Variants in CATSPERD observed in about 807,000 individuals in gnomAD.
CATSPERD encodes the protein catsper channel auxiliary subunit delta.
In CATSPERD, 86 loss-of-function variants were observed where a neutral mutation model predicts 98.1. The ratio of observed to expected loss-of-function variants is 0.88; its 90% CI spans 0.74 to 1.05. The LOEUF (loss-of-function observed/expected upper bound fraction) is 1.05. CATSPERD is among the 50% of genes least tolerant of loss of function. The pLI is 0.00. For synonymous variants in CATSPERD, 394 were observed against 390.2 expected (o/e 1.01, Z -0.12); for missense variants, 995 against 1,005.7 (o/e 0.99, Z 0.14).
intron 3 of CATSPERD, among the ~76,000 whole-genome samples, chr19:5,728,629 C>T (rs926845474): frequency 1.3e-5 from 2 of 151,452 alleles, no homozygotes; most frequent in Non-Finnish European, 2.9e-5. Flanking sequence ...GAGGCTGAGG[C>T]AGGAGGATCA....
intron 11 of CATSPERD, among the ~76,000 whole-genome samples, 190 bp from the exon 12 acceptor site, chr19:5,751,457 C>A (rs1383559366): frequency 1.5e-5 from 2 of 135,512 alleles, no homozygotes; most frequent in Non-Finnish European, 3.1e-5. Context: ...TGGCGTGAAC[C>A]CGGGAGGCGG....
intron 16 of CATSPERD, 115 bp downstream of exon 16, chr19:5,763,408 G>A: frequency 2.7e-6 from 2 of 728,950 alleles, no homozygotes; most frequent in Non-Finnish European, 4.7e-6. Context: ...CAACCTGGGT[G>A]CAAGAGAGTG....
intron 7 of CATSPERD, among the ~76,000 whole-genome samples, chr19:5,740,564 G>C (rs554106481): frequency 2.2e-4 from 34 of 151,856 alleles, no homozygotes; most frequent in Non-Finnish European, 4.4e-4. Context: ...TCCAGCCTGG[G>C]CAACAAGAGC....
intron 7 of CATSPERD, among the ~76,000 whole-genome samples, chr19:5,742,031 G>A (rs1467879051): frequency 6.7e-6 from 1 of 150,162 alleles, no homozygotes; most frequent in East Asian, 1.9e-4. Flanking sequence ...GTGAAACTCT[G>A]TCTCAAGGAA....
chr19:5,726,613 C>T (rs1350346886), intron 2 of CATSPERD, among the ~76,000 whole-genome samples: 2 of 150,032 alleles, frequency 1.3e-5, no homozygotes, highest in Non-Finnish European at 3.0e-5. Flanking sequence ...AACTCCTGGC[C>T]TCAAGAAATC....
intron 4 of CATSPERD, among the ~76,000 whole-genome samples, chr19:5,732,581 C>T (rs957824517): frequency 3.4e-5 from 5 of 148,260 alleles, no homozygotes; most frequent in African/African-American, 7.5e-5. Flanking sequence ...TACAGGCGCC[C>T]GCCACCACGC....
At chr19:5,768,320 TTTTATTTA>T (rs145790220) in intron 18 of CATSPERD, 78 bp downstream of exon 18, 8 of 496,302 alleles carry the variant, frequency 1.6e-5, no homozygotes, top group African/African-American at 2.1e-5. Flanking sequence ...AAATTAGGAA[TTTTATTTA>T]TTTATTTATT....
At chr19:5,773,693 CTTT>C (rs71172770) in intron 20 of CATSPERD, among the ~76,000 whole-genome samples, 23 of 121,336 alleles carry the variant, frequency 1.9e-4, no homozygotes, top group Admixed American at 3.7e-4. Flanking sequence ...ATTTTTGTAT[CTTT>C]TTTTTTTTTT....
At chr19:5,733,826 C>T (rs1406733838) in intron 4 of CATSPERD, 30 bp from the exon 5 acceptor site, 2 of 1,390,958 alleles carry the variant, frequency 1.4e-6, no homozygotes, top group Non-Finnish European at 2.0e-6. Flanking sequence ...AAGATGCTCT[C>T]ATTGATATCA....
intron 13 of CATSPERD, among the ~76,000 whole-genome samples, chr19:5,757,446 C>T (rs987445678): frequency 1.3e-5 from 2 of 151,240 alleles, no homozygotes; most frequent in Non-Finnish European, 2.9e-5. Flanking sequence ...TACAGGCATG[C>T]ACCACCATGC....
In CATSPERD at chr19:5,772,688, A is replaced by AC. The variant is rs1175743901; in HGVS notation, c.1764-94dup. 7 of 1,231,476 alleles carry AC rather than the reference A, an allele frequency of 5.7e-6. No homozygotes were observed. The African/African-American group carries it at 6.1e-5, about 11-fold the overall frequency. The allele number at this position is 1,231,476 out of a possible 1,614,324, so 76.3% of individuals were successfully genotyped here. A position where few individuals can be genotyped will look rare whatever the true frequency, so the allele number is the denominator to read the frequency against. ...TTTGGTTTCCTCTCTGTCACCTCCCACCCCCCAAGCGGTTTTGCAGCCGTC... is the reference window on the plus strand; with the variant it reads ...TTTGGTTTCCTCTCTGTCACCTCCCACCCCCCCAAGCGGTTTTGCAGCCGTC... On this transcript the variant is annotated intron_variant, in intron 19 of 21. Transcript: ENST00000381624.
At chr19:5,755,604 T>A (rs942584962) in intron 13 of CATSPERD, among the ~76,000 whole-genome samples, 2 of 151,520 alleles carry the variant, frequency 1.3e-5, no homozygotes, top group African/African-American at 4.8e-5. Flanking sequence ...ACTCCATCTG[T>A]ACAAAAAACA....
chr19:5,745,225 A>G (rs2056071503), intron 8 of CATSPERD, among the ~76,000 whole-genome samples: 1 of 152,008 alleles, frequency 6.6e-6, no homozygotes, highest in African/African-American at 2.4e-5. Flanking sequence ...TGCTGAGATT[A>G]CAGGTGTGAG....
chr19:5,729,354 C>T (rs959527843), intron 3 of CATSPERD, among the ~76,000 whole-genome samples: 4 of 152,032 alleles, frequency 2.6e-5, no homozygotes, highest in African/African-American at 9.7e-5. Context: ...CCTGCCTTGG[C>T]TTCCAAAGTG....
chr19:5,750,328 G>C (rs955274814), intron 11 of CATSPERD, among the ~76,000 whole-genome samples: 1 of 149,270 alleles, frequency 6.7e-6, no homozygotes, highest in African/African-American at 2.5e-5. Context: ...GGCGGCACCT[G>C]TAGTCCCAGC....
chr19:5,746,864 T>G (rs553213616), intron 9 of CATSPERD, among the ~76,000 whole-genome samples: 2 of 151,836 alleles, frequency 1.3e-5, no homozygotes, highest in African/African-American at 4.8e-5. Context: ...CTGTGCCGAG[T>G]CCTGATTGTA....
rs761512506 is a variant in CATSPERD, at chr19:5,778,417, G to T, written c.2138G>T (p.Gly713Val). Residue 713 changes from glycine (G) to valine (V), a missense_variant, in exon 22 of 22, where the codon GGA (glycine) becomes GTA (valine). Gly to Val is a moderately radical substitution (Grantham distance 109). Coordinates refer to ENST00000381624, the MANE Select transcript of CATSPERD (RefSeq NM_152784.4). ...ACCATCTTTAGCATCTACGTGTATG[G>T]AGCATTCCCCGTGCAGCTGGTCTCT... ...LETIFSIYVY[G>V]AFPVQLVSAG... 6.2e-7 allele frequency: 1 copy of T among 1,613,680 alleles called. No individual in the cohort carries two copies. The highest frequency in any genetic ancestry group is 8.5e-7 in the Non-Finnish European group (1 of 1,179,962).
At chr19:5,763,802 G>A (rs1253750513) in intron 16 of CATSPERD, among the ~76,000 whole-genome samples, 1 of 145,106 alleles carries the variant, frequency 6.9e-6, no homozygotes, top group South Asian at 2.2e-4. Flanking sequence ...TGTATTTTTA[G>A]TAGAGATGGA....
chr19:5,752,750 G>A (rs886637757), intron 12 of CATSPERD, among the ~76,000 whole-genome samples: 6 of 152,096 alleles, frequency 3.9e-5, no homozygotes, highest in African/African-American at 1.2e-4. Context: ...AAAGGGGGCC[G>A]GGCGTGGTGG....
Sources: gnomAD v4.1 joint callset for allele counts (sites outside exome capture counted in the v4.1 genomes callset) on GRCh38, gnomAD v4.1.1 for gene constraint, MANE v1.5 for transcripts, NCBI Gene and HGNC (gene_info 2026-07-23, HGNC 2026-07-21) for gene names.